Variants in ATP8A2 observed in about 807,000 individuals in gnomAD.
ATP8A2 encodes the protein ATPase phospholipid transporting 8A2.
A neutral mutation model predicts 165.6 loss-of-function variants in ATP8A2; 100 were observed. The observed-to-expected ratio is 0.60, with a 90% CI of 0.51 to 0.71. ATP8A2 has a LOEUF of 0.71. ATP8A2 is among the 30% of genes least tolerant of loss of function. The probability of loss-of-function intolerance (pLI) is 0.00; values close to 1 mark genes in which losing one functional copy is unlikely to be tolerated. For missense variants in ATP8A2, 1,227 were observed against 1,479.5 expected (o/e 0.83, Z 2.80); for synonymous variants, 543 against 548.8 (o/e 0.99, Z 0.15).
chr13:26,016,537 T>G (rs1956979082), intron 36 of ATP8A2, among the ~76,000 whole-genome samples: 1 of 152,024 alleles, frequency 6.6e-6, no homozygotes, highest in Non-Finnish European at 1.5e-5. Flanking sequence ...ACAAGATAAA[T>G]AAAAGAAAAG....
At chr13:25,468,567 G>GTAC (rs1316008452) in intron 1 of ATP8A2, among the ~76,000 whole-genome samples, 2 of 152,184 alleles carry the variant, frequency 1.3e-5, no homozygotes, top group Non-Finnish European at 2.9e-5. Context: ...GGGACTAGAG[G>GTAC]GTACGCTCGG....
chr13:26,018,686 A>G (rs114797509), intron 36 of ATP8A2, among the ~76,000 whole-genome samples: 2,013 of 152,170 alleles, frequency 0.013, 49 homozygotes, highest in African/African-American at 0.046. Context: ...GAAAAGCCCC[A>G]CTCTGGGCTT....
chr13:25,916,077 G>A (rs937400832), intron 33 of ATP8A2, among the ~76,000 whole-genome samples: 10 of 152,122 alleles, frequency 6.6e-5, no homozygotes, highest in Non-Finnish European at 1.3e-4. Context: ...GCTCTTGGTT[G>A]GTTTTGAAAA....
intron 35 of ATP8A2, among the ~76,000 whole-genome samples, chr13:25,993,907 A>C (rs1326762951): frequency 6.6e-6 from 1 of 152,176 alleles, no homozygotes; most frequent in Non-Finnish European, 1.5e-5. Flanking sequence ...ATTGCTTTAA[A>C]TCTGTATATC....
intron 35 of ATP8A2, among the ~76,000 whole-genome samples, chr13:25,990,261 T>TAAAAAAAAAA (rs3056351): frequency 1.8e-5 from 2 of 108,364 alleles, no homozygotes; most frequent in Non-Finnish European, 3.7e-5. Flanking sequence ...CATGTAACTG[T>TAAAAAAAAAA]AAAAAAAAAA....
intron 2 of ATP8A2, among the ~76,000 whole-genome samples, chr13:25,528,883 G>T (rs913335001): frequency 6.6e-6 from 1 of 150,986 alleles, no homozygotes; most frequent in African/African-American, 2.4e-5. Context: ...TATGCAACAT[G>T]TGTATGCATA....
At chr13:25,748,692 C>T (rs570556154) in intron 25 of ATP8A2, among the ~76,000 whole-genome samples, 11 of 152,254 alleles carry the variant, frequency 7.2e-5, no homozygotes, top group Non-Finnish European at 1.5e-4. Context: ...GCTTCAGGGC[C>T]TGTTCATCAA....
intron 27 of ATP8A2, among the ~76,000 whole-genome samples, chr13:25,787,027 C>A (rs1427571162): frequency 6.6e-6 from 1 of 152,228 alleles, no homozygotes; most frequent in Non-Finnish European, 1.5e-5. Context: ...AAGTGATCCA[C>A]CTGCCTTGGC....
chr13:25,708,619 G>A (rs1295547997), intron 25 of ATP8A2, among the ~76,000 whole-genome samples: 2 of 151,900 alleles, frequency 1.3e-5, no homozygotes, highest in Non-Finnish European at 2.9e-5. Context: ...CTCCATCCTG[G>A]GAGCTTTACT....
At chr13:25,617,732 T>G (rs1468744133) in intron 24 of ATP8A2, among the ~76,000 whole-genome samples, 2 of 152,190 alleles carry the variant, frequency 1.3e-5, no homozygotes, top group Non-Finnish European at 2.9e-5. Context: ...TTAAATTGTT[T>G]TCCATGGTAT....
At chr13:25,792,048 AGT>A (rs960989042) in intron 27 of ATP8A2, among the ~76,000 whole-genome samples, 1 of 152,208 alleles carries the variant, frequency 6.6e-6, no homozygotes, top group Non-Finnish European at 1.5e-5. Context: ...TTTTTAGAGC[AGT>A]GTGTAGAATT....
intron 30 of ATP8A2, among the ~76,000 whole-genome samples, chr13:25,859,703 TAATA>T (rs1952288551): frequency 6.6e-6 from 1 of 152,090 alleles, no homozygotes; most frequent in African/African-American, 2.4e-5. Flanking sequence ...AGAACATGAG[TAATA>T]AATACCCCCA....
At chr13:25,595,971 C>A (rs2040226717) in intron 24 of ATP8A2, among the ~76,000 whole-genome samples, 1 of 152,072 alleles carries the variant, frequency 6.6e-6, no homozygotes. Context: ...ATGAAAGAGA[C>A]CTGGTTAGTC....
At chr13:25,550,822 A>C (rs1254227832) in intron 10 of ATP8A2, among the ~76,000 whole-genome samples, 3 of 152,074 alleles carry the variant, frequency 2.0e-5, no homozygotes, top group African/African-American at 7.2e-5. Context: ...TGCATTATTG[A>C]TATGTATGTG....
chr13:25,804,644 T>C (rs1375673581), intron 27 of ATP8A2, among the ~76,000 whole-genome samples: 2 of 152,176 alleles, frequency 1.3e-5, no homozygotes, highest in African/African-American at 4.8e-5. Context: ...TTTCCTCTTT[T>C]TCTGTTAAGA....
At chr13:25,968,327 G>A (rs564998017) in intron 34 of ATP8A2, among the ~76,000 whole-genome samples, 2 of 152,290 alleles carry the variant, frequency 1.3e-5, no homozygotes, top group South Asian at 2.1e-4. Flanking sequence ...CCGACTTCCG[G>A]TTCTTTGCGG....
intron 33 of ATP8A2, among the ~76,000 whole-genome samples, chr13:25,902,948 C>CACACACACACACACACAT (rs1953804991): frequency 6.6e-6 from 1 of 151,324 alleles, no homozygotes; most frequent in Admixed American, 6.6e-5. Context: ...TGCACACACA[C>CACACACACACACACACAT]ACACACACAC....
chr13:25,878,414 T>C (rs140235375), intron 33 of ATP8A2, among the ~76,000 whole-genome samples: 1,500 of 141,364 alleles, frequency 0.011, 12 homozygotes, highest in Non-Finnish European at 0.014. Flanking sequence ...GGCGAGTCCA[T>C]AGAGTAAAGT....
chr13:25,908,118 T>C (rs1953997438), intron 33 of ATP8A2, among the ~76,000 whole-genome samples: 3 of 152,208 alleles, frequency 2.0e-5, no homozygotes, highest in Admixed American at 2.0e-4. Flanking sequence ...CATTCGTCAT[T>C]TGAGATAAAT....
Sources: gnomAD v4.1 joint callset for allele counts (sites outside exome capture counted in the v4.1 genomes callset) on GRCh38, gnomAD v4.1.1 for gene constraint, MANE v1.5 for transcripts, NCBI Gene and HGNC (gene_info 2026-07-23, HGNC 2026-07-21) for gene names.